The following ZNF704 variants were observed in gnomAD, a reference collection of about 807,000 sequenced individuals.
The protein encoded by ZNF704 is glucocorticoid induced gene 1.
In ZNF704, 10 loss-of-function variants were observed where a neutral mutation model predicts 44.7. That is an observed-to-expected ratio of 0.22 (90% confidence interval 0.14 to 0.38). The LOEUF (loss-of-function observed/expected upper bound fraction) is 0.38. ZNF704 is among the 10% of genes least tolerant of loss of function. ZNF704 has a pLI of 1.00. For synonymous variants in ZNF704, 211 were observed against 207.6 expected (o/e 1.02, Z -0.14); for missense variants, 390 against 545.5 (o/e 0.71, Z 2.84).
intron 1 of ZNF704, among the ~76,000 whole-genome samples, chr8:80,838,644 G>T (rs1808622121): frequency 6.6e-6 from 1 of 150,708 alleles, no homozygotes; most frequent in African/African-American, 2.5e-5. Flanking sequence ...AGTTAGGGAG[G>T]GGGAGGAGGA....
At chr8:80,709,360 C>T (rs565284027) in intron 2 of ZNF704, among the ~76,000 whole-genome samples, 2 of 135,328 alleles carry the variant, frequency 1.5e-5, no homozygotes, top group African/African-American at 5.5e-5. Flanking sequence ...AGGAGAATGG[C>T]GTGAACCTGG....
intron 2 of ZNF704, among the ~76,000 whole-genome samples, chr8:80,748,994 G>A (rs1478224435): frequency 6.6e-6 from 1 of 152,200 alleles, no homozygotes; most frequent in Non-Finnish European, 1.5e-5. Context: ...CAGTGAAGAA[G>A]CAGAAACTGG....
At chr8:80,664,151 C>G (rs1818147826) in intron 6 of ZNF704, among the ~76,000 whole-genome samples, 1 of 151,536 alleles carries the variant, frequency 6.6e-6, no homozygotes, top group African/African-American at 2.4e-5. Flanking sequence ...GGCTGGAGTA[C>G]AGTGGTGCGA....
At chr8:80,673,591 G>A (rs1309725498) in intron 4 of ZNF704, among the ~76,000 whole-genome samples, 1 of 152,166 alleles carries the variant, frequency 6.6e-6, no homozygotes, top group African/African-American at 2.4e-5. Flanking sequence ...ATACTCTTGA[G>A]TCTATGAAGC....
chr8:80,821,996 G>C (rs182715138), intron 1 of ZNF704, among the ~76,000 whole-genome samples: 2 of 152,258 alleles, frequency 1.3e-5, no homozygotes, highest in East Asian at 3.9e-4. Flanking sequence ...TAATAGAAGA[G>C]AGCTAATGTA....
chr8:80,661,284 C>A (rs1818098283), intron 6 of ZNF704, among the ~76,000 whole-genome samples: 1 of 151,970 alleles, frequency 6.6e-6, no homozygotes, highest in African/African-American at 2.4e-5. Context: ...ATTAAAAAGA[C>A]AAAAAATAAC....
At chr8:80,664,733 G>A (rs556132016) in intron 6 of ZNF704, 82 bp downstream of exon 6, 2 of 1,549,098 alleles carry the variant, frequency 1.3e-6, no homozygotes, top group Admixed American at 1.7e-5. Context: ...TTTCCACTGA[G>A]TTGTCTTTTA....
At chr8:80,682,252 AT>A (rs1234313894) in intron 4 of ZNF704, among the ~76,000 whole-genome samples, 1 of 152,232 alleles carries the variant, frequency 6.6e-6, no homozygotes, top group Non-Finnish European at 1.5e-5. Context: ...GCTCTGGAAG[AT>A]TAAAAATACA....
chr8:80,827,852 G>C (rs1008043155), intron 1 of ZNF704, among the ~76,000 whole-genome samples: 3 of 152,190 alleles, frequency 2.0e-5, no homozygotes, highest in African/African-American at 7.2e-5. Context: ...ATGGTGCTGG[G>C]AAAACTGGCT....
At chr8:80,720,911 G>C (rs1442647092) in intron 2 of ZNF704, among the ~76,000 whole-genome samples, 1 of 152,266 alleles carries the variant, frequency 6.6e-6, no homozygotes, top group Non-Finnish European at 1.5e-5. Context: ...CCATGCCTGG[G>C]CCAGGCAGGG....
chr8:80,846,183 C>T (rs570964211), intron 1 of ZNF704, among the ~76,000 whole-genome samples: 5 of 152,246 alleles, frequency 3.3e-5, no homozygotes, highest in African/African-American at 1.2e-4. Flanking sequence ...GGCCATATCA[C>T]TGATGTATTC....
intron 2 of ZNF704, among the ~76,000 whole-genome samples, chr8:80,788,679 A>C (rs1195940823): frequency 6.6e-6 from 1 of 152,212 alleles, no homozygotes; most frequent in Non-Finnish European, 1.5e-5. Context: ...AAGGCGGAGC[A>C]TGAAGTCACA....
intron 2 of ZNF704, among the ~76,000 whole-genome samples, chr8:80,748,644 C>G (rs1806887544): frequency 6.6e-6 from 1 of 152,046 alleles, no homozygotes; most frequent in Non-Finnish European, 1.5e-5. Flanking sequence ...TAGCAAATAG[C>G]AAGAGTGAAA....
intron 2 of ZNF704, among the ~76,000 whole-genome samples, chr8:80,818,711 AT>A (rs1808216414): frequency 6.6e-6 from 1 of 152,104 alleles, no homozygotes; most frequent in African/African-American, 2.4e-5. Context: ...TTGTATATAG[AT>A]TTCCTTGTAT....
chr8:80,758,279 C>T (rs1307539691), intron 2 of ZNF704, among the ~76,000 whole-genome samples: 1 of 152,168 alleles, frequency 6.6e-6, no homozygotes, highest in Non-Finnish European at 1.5e-5. Flanking sequence ...GGCTCTCAAC[C>T]TGTTGAATTA....
At chr8:80,702,556 G>A (rs949060196) in intron 2 of ZNF704, among the ~76,000 whole-genome samples, 2 of 152,122 alleles carry the variant, frequency 1.3e-5, no homozygotes, top group Non-Finnish European at 2.9e-5. Context: ...GTTTTGGAGA[G>A]AGAGCCATAG....
intron 4 of ZNF704, among the ~76,000 whole-genome samples, chr8:80,682,145 C>T (rs575573891): frequency 1.3e-4 from 20 of 152,296 alleles, no homozygotes; most frequent in African/African-American, 4.6e-4. Context: ...ATTAAGTCAG[C>T]AGAGAGACTG....
At chr8:80,849,119 C>T (rs529222875) in intron 1 of ZNF704, among the ~76,000 whole-genome samples, 8 of 152,252 alleles carry the variant, frequency 5.3e-5, no homozygotes, top group South Asian at 2.1e-4. Context: ...AGGTATCACA[C>T]GATTCTATCT....
chr8:80,851,984 A>C (rs1278396786), intron 1 of ZNF704, among the ~76,000 whole-genome samples: 1 of 152,186 alleles, frequency 6.6e-6, no homozygotes. Context: ...AGGAAAAAAA[A>C]GTCTGTGTTC....
Sources: allele counts gnomAD v4.1 joint callset (sites outside exome capture counted in the v4.1 genomes callset), GRCh38; gene constraint gnomAD v4.1.1; transcripts MANE v1.5; gene names NCBI Gene and HGNC (gene_info 2026-07-23, HGNC 2026-07-21).